The following MTHFD2L variants were observed in gnomAD, a reference collection of about 807,000 sequenced individuals.
MTHFD2L encodes the protein methylenetetrahydrofolate dehydrogenase (NADP+ dependent) 2 like, also known as bifunctional methylenetetrahydrofolate dehydrogenase/cyclohydrolase 2, mitochondrial.
Under a neutral mutation model 34.9 loss-of-function variants are expected in MTHFD2L, and 29 were observed. That is an observed-to-expected ratio of 0.83 (90% CI 0.62 to 1.13). The LOEUF (loss-of-function observed/expected upper bound fraction) is 1.13. Among genes scored for constraint, MTHFD2L ranks in the 50% most tolerant of loss-of-function variants. The pLI, the probability that MTHFD2L is intolerant of heterozygous loss-of-function variation, is 0.00. For synonymous variants in MTHFD2L, 167 were observed against 155.7 expected (o/e 1.07, Z -0.54); for missense variants, 481 against 446.5 (o/e 1.08, Z -0.70).
chr4:74,118,908 T>C (rs553646505), upstream of MTHFD2L, among the ~76,000 whole-genome samples: 1 of 152,288 alleles, frequency 6.6e-6, no homozygotes, highest in South Asian at 2.1e-4. Flanking sequence ...ATGAGAGGGA[T>C]CTAGATTGCA....
intron 2 of MTHFD2L, among the ~76,000 whole-genome samples, chr4:74,117,010 G>C (rs917108076): frequency 6.6e-6 from 1 of 152,242 alleles, no homozygotes; most frequent in African/African-American, 2.4e-5. Flanking sequence ...TGTGGGAAAT[G>C]TTTGGCAATA....
At chr4:74,255,264 G>A (rs1437841156) in intron 6 of MTHFD2L, among the ~76,000 whole-genome samples, 2 of 151,494 alleles carry the variant, frequency 1.3e-5, no homozygotes, top group Non-Finnish European at 2.9e-5. Context: ...TTTGTATATA[G>A]CTAAAGTTAA....
chr4:74,301,518 T>C (rs1023329917), intron 7 of MTHFD2L, among the ~76,000 whole-genome samples, 179 bp from the exon 8 acceptor site: 4 of 150,482 alleles, frequency 2.7e-5, no homozygotes, highest in African/African-American at 9.9e-5. Flanking sequence ...AGTATTCGTC[T>C]AAGTGAGTGT....
intron 1 of MTHFD2L, among the ~76,000 whole-genome samples, chr4:74,171,499 T>C (rs371473707): frequency 1.6e-4 from 24 of 152,290 alleles, no homozygotes; most frequent in African/African-American, 5.8e-4. Flanking sequence ...CTTTGAGATA[T>C]TTGCTCAAAA....
intron 1 of MTHFD2L, chr4:74,159,919 C>G (rs1396460198): frequency 7.6e-6 from 2 of 264,864 alleles, no homozygotes; most frequent in African/African-American, 2.3e-5. Flanking sequence ...GTTTTGACGC[C>G]CTCTTTGTAC....
intron 3 of MTHFD2L, among the ~76,000 whole-genome samples, chr4:74,199,311 A>G (rs1734014740): frequency 6.6e-6 from 1 of 151,934 alleles, no homozygotes; most frequent in Admixed American, 6.6e-5. Context: ...ATTTTTTGTT[A>G]TGTCATTTAA....
intron 6 of MTHFD2L, among the ~76,000 whole-genome samples, chr4:74,277,443 C>T (rs529529726): frequency 6.6e-6 from 1 of 151,866 alleles, no homozygotes; most frequent in Non-Finnish European, 1.5e-5. Context: ...CTAGGATGCC[C>T]CATTCTAGAA....
chr4:74,206,989 T>G (rs1735443096), intron 5 of MTHFD2L, among the ~76,000 whole-genome samples: 1 of 152,082 alleles, frequency 6.6e-6, no homozygotes, highest in Non-Finnish European at 1.5e-5. Context: ...CAGCCTCAAC[T>G]TCCTGGACAC....
intron 6 of MTHFD2L, among the ~76,000 whole-genome samples, chr4:74,239,304 G>C (rs1386411014): frequency 3.3e-5 from 5 of 152,054 alleles, no homozygotes; most frequent in African/African-American, 1.2e-4. Flanking sequence ...TTGGACACAG[G>C]GTGGGGAACA....
intron 6 of MTHFD2L, among the ~76,000 whole-genome samples, chr4:74,262,438 G>T (rs781497776): frequency 6.6e-6 from 1 of 151,786 alleles, no homozygotes; most frequent in Non-Finnish European, 1.5e-5. Flanking sequence ...TGGAACAAGT[G>T]CCTCTTAGAG....
At chr4:74,291,003 C>CTTT (rs10585551) in intron 7 of MTHFD2L, among the ~76,000 whole-genome samples, 415 of 29,248 alleles carry the variant, frequency 0.014, 95 homozygotes, top group East Asian at 0.034. Flanking sequence ...TTTTCCTTTT[C>CTTT]TTTTTTTTTT....
chr4:74,157,838 G>C (rs984748748), upstream of MTHFD2L: 1 of 585,052 alleles, frequency 1.7e-6, no homozygotes, highest in African/African-American at 1.8e-5. Context: ...CTATGGGAAT[G>C]CCAGCTATAT....
chr4:74,287,572 C>A (rs1038724779), intron 7 of MTHFD2L, among the ~76,000 whole-genome samples: 1 of 152,064 alleles, frequency 6.6e-6, no homozygotes, highest in Non-Finnish European at 1.5e-5. Context: ...TGTGGTGAAA[C>A]CCCGTCTCTA....
At chr4:74,119,776 C>A (rs1307709203), upstream of MTHFD2L, among the ~76,000 whole-genome samples, 1 of 151,706 alleles carries the variant, frequency 6.6e-6, no homozygotes, top group African/African-American at 2.4e-5. Flanking sequence ...GAGCGAGACT[C>A]CATCTCAAAA....
chr4:74,260,301 C>G (rs979263916), intron 6 of MTHFD2L, among the ~76,000 whole-genome samples: 1 of 152,128 alleles, frequency 6.6e-6, no homozygotes, highest in Admixed American at 6.5e-5. Flanking sequence ...CTGTCAGCCC[C>G]CGGCTGTGAA....
At chr4:74,192,838 G>A (rs1732794144) in intron 3 of MTHFD2L, among the ~76,000 whole-genome samples, 1 of 151,538 alleles carries the variant, frequency 6.6e-6, no homozygotes, top group South Asian at 2.1e-4. Flanking sequence ...TATATATCTG[G>A]TTACAAGTTC....
chr4:74,267,392 TTTTC>T, intron 6 of MTHFD2L: 3 of 376,404 alleles, frequency 8.0e-6, no homozygotes, highest in Non-Finnish European at 1.1e-5. Context: ...TCTTTCTTTC[TTTTC>T]TTTCTTTCTT....
rs377456216 is a variant in MTHFD2L at position 74,142,788 on chromosome 4, GA to G, written c.-296-17266del. Among the ~76,000 whole-genome samples the G allele has an allele frequency of 2.3e-3, 343 of 152,294 alleles. 9 individuals are homozygous for G. In the South Asian group the frequency reaches 0.034, roughly 15 times the overall value. On this transcript the variant is annotated intron_variant, in intron 1 of 7. Transcript: ENST00000433372. ...TGGTCCTGCAGAATGGGAGAGCCAA[GA>G]GGCTTCTTCAAGGTATTATTCAAGG...
intron 6 of MTHFD2L, among the ~76,000 whole-genome samples, chr4:74,276,193 A>T (rs975526002): frequency 6.6e-6 from 1 of 152,174 alleles, no homozygotes; most frequent in Admixed American, 6.6e-5. Context: ...GATGCTACCT[A>T]CTGAAACATC....
Sources: allele counts gnomAD v4.1 joint callset (sites outside exome capture counted in the v4.1 genomes callset), GRCh38; gene constraint gnomAD v4.1.1; transcripts MANE v1.5; gene names NCBI Gene and HGNC (gene_info 2026-07-23, HGNC 2026-07-21).